MACROD2: variants seen among roughly 807,000 people sequenced by gnomAD.
MACROD2 encodes the protein mono-ADP ribosylhydrolase 2.
MACROD2 carries 36 observed loss-of-function variants against 70.4 expected under a neutral mutation model. That is an observed-to-expected ratio of 0.51 (90% CI 0.39 to 0.68). The LOEUF (loss-of-function observed/expected upper bound fraction) is 0.68. Ranked by LOEUF, MACROD2 falls within the 30% of genes least tolerant of loss-of-function variation. The pLI, the probability that MACROD2 is intolerant of heterozygous loss-of-function variation, is 0.00. For missense variants in MACROD2, 496 were observed against 538.4 expected (o/e 0.92, Z 0.78); for synonymous variants, 172 against 178.8 (o/e 0.96, Z 0.30).
chr20:15,841,159 T>C (rs938132298), intron 8 of MACROD2, among the ~76,000 whole-genome samples: 21 of 152,102 alleles, frequency 1.4e-4, no homozygotes, highest in African/African-American at 4.8e-4. Context: ...CCACACTAAG[T>C]TGTGAGAAAC....
At chr20:16,027,156 A>G (rs2067092414) in intron 15 of MACROD2, among the ~76,000 whole-genome samples, 1 of 152,214 alleles carries the variant, frequency 6.6e-6, no homozygotes, top group Admixed American at 6.5e-5. Flanking sequence ...TCTGAAGCTG[A>G]AAGAATTGGT....
At chr20:14,323,757 G>A (rs2082691504) in intron 3 of MACROD2, 1 of 152,166 alleles carries the variant, frequency 6.6e-6, no homozygotes, top group Non-Finnish European at 1.5e-5. Flanking sequence ...AAGAGAAAGT[G>A]TGTATTTCAC....
chr20:15,286,949 C>A (rs2077497210), intron 6 of MACROD2, among the ~76,000 whole-genome samples: 1 of 152,076 alleles, frequency 6.6e-6, no homozygotes, highest in Non-Finnish European at 1.5e-5. Context: ...TCCCTAAAAT[C>A]ACTTTTTATT....
intron 8 of MACROD2, among the ~76,000 whole-genome samples, chr20:15,823,945 G>A (rs2063968904): frequency 6.6e-6 from 1 of 152,166 alleles, no homozygotes; most frequent in African/African-American, 2.4e-5. Context: ...TCACTGGGCA[G>A]CCCAATCCAA....
chr20:15,035,044 C>A (rs944351760), intron 5 of MACROD2, among the ~76,000 whole-genome samples: 2 of 152,094 alleles, frequency 1.3e-5, no homozygotes, highest in Non-Finnish European at 2.9e-5. Context: ...CTTATATCAG[C>A]AGGATTCAAG....
intron 3 of MACROD2, among the ~76,000 whole-genome samples, chr20:14,370,181 A>C (rs769089395): frequency 5.3e-5 from 8 of 152,306 alleles, no homozygotes; most frequent in Non-Finnish European, 1.2e-4. Flanking sequence ...AGAGGAGGTA[A>C]GAAATAATTT....
chr20:14,757,979 G>A (rs759437909), intron 5 of MACROD2: 3 of 852,244 alleles, frequency 3.5e-6, no homozygotes, highest in Non-Finnish European at 6.0e-6. Flanking sequence ...CAAGAAAGCC[G>A]AGGCTGGGAC....
chr20:16,012,978 G>T (rs1019621821), intron 15 of MACROD2, among the ~76,000 whole-genome samples: 2 of 152,132 alleles, frequency 1.3e-5, no homozygotes, highest in Admixed American at 1.3e-4. Context: ...TCAAGAGATC[G>T]AGACCATCCT....
At chr20:15,712,070 A>G (rs2146917699) in intron 8 of MACROD2, among the ~76,000 whole-genome samples, 1 of 152,340 alleles carries the variant, frequency 6.6e-6, no homozygotes, top group Non-Finnish European at 1.5e-5. Flanking sequence ...AGAATACACC[A>G]GTCCTATTCT....
At chr20:14,001,372 A>C (rs191376233) in intron 1 of MACROD2, among the ~76,000 whole-genome samples, 8 of 152,160 alleles carry the variant, frequency 5.3e-5, no homozygotes, top group African/African-American at 1.7e-4. Context: ...AAATATTTTC[A>C]TTTTATCGTC....
chr20:14,875,520 TG>T (rs1162385075), intron 5 of MACROD2, among the ~76,000 whole-genome samples: 1 of 152,166 alleles, frequency 6.6e-6, no homozygotes, highest in African/African-American at 2.4e-5. Flanking sequence ...ATTTTAGATT[TG>T]GGGGGTTCGT....
chr20:15,095,657 A>G (rs1377890646), intron 5 of MACROD2, among the ~76,000 whole-genome samples: 1 of 151,896 alleles, frequency 6.6e-6, no homozygotes, highest in Non-Finnish European at 1.5e-5. Context: ...AGCTGGGACT[A>G]CAGGCATCTG....
chr20:15,938,001 A>G (rs1006729406), intron 12 of MACROD2, among the ~76,000 whole-genome samples: 1 of 152,054 alleles, frequency 6.6e-6, no homozygotes, highest in African/African-American at 2.4e-5. Flanking sequence ...ATCTTTGGCA[A>G]GAGCATCATT....
intron 10 of MACROD2, among the ~76,000 whole-genome samples, chr20:15,889,967 G>A (rs564459406): frequency 6.6e-6 from 1 of 152,204 alleles, no homozygotes; most frequent in Admixed American, 6.5e-5. Flanking sequence ...CAGGCCAAGA[G>A]GGAAAGTTGT....
At position 15,862,821 on chromosome 20, in the gene MACROD2, C is replaced by A; in HGVS notation, c.722C>A (p.Ser241Tyr). Reference sequence around the variant, plus strand: ...AAAAAGAAAATGAATGAGTTTTTCTCCGTAGGTGAGTAAAGCAACTTCTTG... The same window carrying A: ...AAAAAGAAAATGAATGAGTTTTTCTACGTAGGTGAGTAAAGCAACTTCTTG... Reference protein sequence around the residue: ...IYKKKMNEFFSVDDNNEEEED... With the variant: ...IYKKKMNEFFYVDDNNEEEED... The change falls in exon 9 of 18, where the codon TCC becomes TAC. Residue 241 changes from serine to tyrosine, a missense_variant. Coordinates refer to ENST00000684519, the MANE Select transcript of MACROD2 (RefSeq NM_001351661.2). 1 of 1,607,466 alleles carries A rather than the reference C, an allele frequency of 6.2e-7. No homozygotes were observed. Among genetic ancestry groups the A allele is most frequent in the Non-Finnish European group, 8.5e-7 (1 of 1,176,066 alleles).
intron 5 of MACROD2, among the ~76,000 whole-genome samples, chr20:15,103,583 A>G (rs1220526297): frequency 6.6e-6 from 1 of 152,178 alleles, no homozygotes; most frequent in Non-Finnish European, 1.5e-5. Flanking sequence ...AAGTACCTCT[A>G]TCTGCCTTAG....
intron 12 of MACROD2, among the ~76,000 whole-genome samples, chr20:15,961,653 G>A (rs909078029): frequency 6.6e-6 from 1 of 152,162 alleles, no homozygotes; most frequent in Admixed American, 6.5e-5. Context: ...TCCTAAGAAG[G>A]TTCTTTCAGT....
chr20:14,424,968 C>T (rs1242010388), intron 3 of MACROD2, among the ~76,000 whole-genome samples: 3 of 152,106 alleles, frequency 2.0e-5, no homozygotes, highest in Admixed American at 6.5e-5. Flanking sequence ...TTCTTTATTC[C>T]TTTGCAGTCT....
At chr20:14,356,059 A>G (rs1449291758) in intron 3 of MACROD2, among the ~76,000 whole-genome samples, 3 of 152,198 alleles carry the variant, frequency 2.0e-5, no homozygotes. Flanking sequence ...GCTTAGTGTC[A>G]TGGTTAAGGG....
Sources: allele counts gnomAD v4.1 joint callset (sites outside exome capture counted in the v4.1 genomes callset), GRCh38; gene constraint gnomAD v4.1.1; transcripts MANE v1.5; gene names NCBI Gene and HGNC (gene_info 2026-07-23, HGNC 2026-07-21).